SHC2: variants seen among roughly 807,000 people sequenced by gnomAD.
SHC2 encodes the protein SHC-transforming protein 2.
Under a neutral mutation model 60.6 loss-of-function variants are expected in SHC2, and 62 were observed. The observed-to-expected ratio is 1.02, with a 90% CI of 0.83 to 1.26. The LOEUF is 1.26. Ranked by LOEUF, SHC2 falls within the 50% of genes most tolerant of loss-of-function variation. SHC2 has a pLI of 0.00. For missense variants in SHC2, 873 were observed against 822.2 expected (o/e 1.06, Z -0.76); for synonymous variants, 375 against 372.4 (o/e 1.01, Z -0.08).
At chr19:447,235 T>C (rs1975072962) in intron 1 of SHC2, among the ~76,000 whole-genome samples, 1 of 151,908 alleles carries the variant, frequency 6.6e-6, no homozygotes, top group Admixed American at 6.6e-5. Flanking sequence ...GTGATCCCAT[T>C]TCTATGAAGT....
chr19:438,730 A>G lies in SHC2; in HGVS notation c.708T>C (p.Pro236=), dbSNP rs565432699. Residue 236 remains proline (P), a synonymous_variant, in exon 4 of 13, where the codon CCT becomes CCC. Transcript: ENST00000264554. The surrounding 1 kb of genome is among the most constrained non-coding windows in gnomAD (Gnocchi z 5.0). ...AGGGCAGACCCACCTGGCGCGTGGC[A>G]GGCACGGAGAGGCTGAGGCCATCAG... ...ISTDGLSLSV[P]ATRQVIANHH... 4.0e-5 allele frequency: 63 copies of G among 1,561,602 alleles called. No individual in the cohort carries two copies. In the South Asian group the frequency reaches 4.6e-4, roughly 11 times the overall value.
Position 434,836 on chromosome 19 carries a change from C to T in SHC2, c.983G>A (p.Gly328Glu). The T allele has an allele frequency of 2.5e-6, 4 of 1,612,162 alleles. No homozygotes were observed. The highest frequency in any genetic ancestry group is 2.2e-5 in the South Asian group (2 of 91,072). The change falls in exon 8 of 13, where the codon GGG becomes GAG. Residue 328 changes from glycine (G) to glutamate (E), a missense_variant. Coordinates refer to ENST00000264554, the MANE Select transcript of SHC2 (RefSeq NM_012435.3). ...RLAGPEESAW[G>E]DEEDSLEHNY... is the part of the protein sequence containing the mutation. ...GTGCTCCAAAGAGTCCTCCTCGTCCCCCCAGGCCGACTCCTCCGGCCCTGC... is the reference window on the plus strand; with the variant it reads ...GTGCTCCAAAGAGTCCTCCTCGTCCTCCCAGGCCGACTCCTCCGGCCCTGC...
At chr19:436,798 G>C in intron 4 of SHC2, 115 bp from the exon 5 acceptor site, 1 of 1,049,738 alleles carries the variant, frequency 9.5e-7, no homozygotes, top group South Asian at 1.4e-5. Flanking sequence ...TGTGGGGATG[G>C]AGACGTCTCC....
Position 424,356 on chromosome 19 carries a change from G to A in SHC2, c.1309+741C>T, listed in dbSNP as rs1249499174. Among the ~76,000 whole-genome samples, 1 of 152,210 alleles carries A rather than the reference G, an allele frequency of 6.6e-6. No individual in the cohort carries two copies. Among genetic ancestry groups the A allele is most frequent in the South Asian group, 2.1e-4 (1 of 4,834 alleles). On this transcript the variant is annotated intron_variant, in intron 10 of 12. Coordinates refer to ENST00000264554, the MANE Select transcript of SHC2 (RefSeq NM_012435.3). The surrounding 1 kb of genome is among the most constrained non-coding windows in gnomAD (Gnocchi z 4.5). ...CTCATTGGACTGGGCGTTCCTTCAA[G>A]CAGGAAGCTGTGCCTCCCCCATCAG...
rs935154172 is a variant in SHC2 at position 424,784 on chromosome 19, A to T, written c.1309+313T>A. On this transcript the variant is annotated intron_variant, in intron 10 of 12. Coordinates refer to ENST00000264554, the MANE Select transcript of SHC2 (RefSeq NM_012435.3). The surrounding 1 kb of genome is among the most constrained non-coding windows in gnomAD (Gnocchi z 4.5). The stretch of plus-strand genomic sequence containing the variant: ...GGGTTCAGCAGGGAGGCCCCGGGAG[A>T]TGGGGTCCTGTAGGAGGGGCTGGGC... Among the ~76,000 whole-genome samples, 11 of 151,746 alleles carry T rather than the reference A, an allele frequency of 7.2e-5. No individual in the cohort carries two copies. Among genetic ancestry groups the T allele is most frequent in the African/African-American group, 2.7e-4 (11 of 41,272 alleles).
At position 438,115 on chromosome 19, in the gene SHC2, C is replaced by G. The variant is rs569385890; in HGVS notation, c.720+603G>C. 6.6e-6 allele frequency among the ~76,000 whole-genome samples: 1 copy of G among 152,250 alleles called. No homozygotes were observed. Among genetic ancestry groups the G allele is most frequent in the African/African-American group, 2.4e-5 (1 of 41,534 alleles). On this transcript the variant is annotated intron_variant, in intron 4 of 12. Coordinates refer to ENST00000264554, the MANE Select transcript of SHC2 (RefSeq NM_012435.3). The surrounding 1 kb of genome is among the most constrained non-coding windows in gnomAD (Gnocchi z 5.0). ...TCTCCTGCCTCAGCCTCCCAAGTAG[C>G]TGGGATTACAGGCGCCCACCACCAC...
intron 8 of SHC2, among the ~76,000 whole-genome samples, chr19:431,079 C>T (rs913430073): frequency 2.0e-5 from 3 of 150,596 alleles, no homozygotes; most frequent in Non-Finnish European, 3.0e-5. Flanking sequence ...TACCCAAATG[C>T]CGCTTCCTCA....
chr19:455,999 C>T lies in SHC2; in HGVS notation c.468+4530G>A, dbSNP rs779003836. ...GCCGTTGCTGTGCCCCACACAGGTG[C>T]GTGCGTGACGAGTGCCCTCAGAATG... On this transcript the variant is annotated intron_variant, in intron 1 of 12. Coordinates refer to ENST00000264554, the MANE Select transcript of SHC2 (RefSeq NM_012435.3). 9.2e-5 allele frequency among the ~76,000 whole-genome samples: 14 copies of T among 152,298 alleles called. No individual in the cohort carries two copies. In the South Asian group the frequency reaches 2.1e-3, roughly 23 times the overall value.
chr19:427,882 G>C (rs991931564), intron 9 of SHC2, among the ~76,000 whole-genome samples: 6 of 133,494 alleles, frequency 4.5e-5, no homozygotes, highest in African/African-American at 1.7e-4. Context: ...GCACAGAGAA[G>C]GGGGAACTGC....
At chr19:442,333 TGGGTGGATGGATGGA>T (rs977366094) in intron 1 of SHC2, among the ~76,000 whole-genome samples, 23 of 136,006 alleles carry the variant, frequency 1.7e-4, no homozygotes, top group African/African-American at 6.0e-4. Context: ...AATGGATGGG[TGGGTGGATGGATGGA>T]GGGTGGAAGG....
intron 8 of SHC2, among the ~76,000 whole-genome samples, chr19:434,149 CGTGAGTGAGATA>C (rs1974645667): frequency 7.2e-6 from 1 of 138,006 alleles, no homozygotes; most frequent in Admixed American, 7.5e-5. Flanking sequence ...GGCGCTTCAT[CGTGAGTGAGATA>C]GTGAGTGAGA....
At chr19:420,018 A>T (rs1974231642) in intron 11 of SHC2, 1 of 152,264 alleles carries the variant, frequency 6.6e-6, no homozygotes, top group African/African-American at 2.4e-5. Context: ...CCTGTGGCAC[A>T]ATCACGTCCT....
Position 460,756 on chromosome 19 carries a change from C to A in SHC2, c.241G>T (p.Gly81Cys). ...GCGGCGCAGCGGGGCTCGCAGGCGC[C>A]CAGGACGGCGGCCGCCAGCGCCGGG... ...GVPALAAAVL[G>C]ACEPRCAAPC... The change falls in exon 1 of 13, where the codon GGC (glycine) becomes TGC (cysteine). Residue 81 changes from glycine to cysteine, a missense_variant. Gly to Cys is a radical substitution (Grantham distance 159). Coordinates refer to ENST00000264554, the MANE Select transcript of SHC2 (RefSeq NM_012435.3). The A allele has an allele frequency of 1.0e-6, 1 of 979,490 alleles. No homozygotes were observed. The highest frequency in any genetic ancestry group is 1.2e-6 in the Non-Finnish European group (1 of 827,684). 60.7% of individuals were successfully genotyped at this position (979,490 alleles called of 1,614,324 possible).
At chr19:451,022 GATGGCCACGCCGT>G (rs1329699011) in intron 1 of SHC2, among the ~76,000 whole-genome samples, 2 of 145,088 alleles carry the variant, frequency 1.4e-5, no homozygotes, top group Non-Finnish European at 3.0e-5. Flanking sequence ...TCAGCGTGTG[GATGGCCACGCCGT>G]GGCCACATCA....
chr19:443,669 GATGA>G (rs1433949653), intron 1 of SHC2, among the ~76,000 whole-genome samples: 9 of 144,648 alleles, frequency 6.2e-5, no homozygotes, highest in African/African-American at 7.8e-5. Context: ...CAGATGGGTG[GATGA>G]ATGGATGGAT....
At chr19:418,254 C>T (rs1194726583) in intron 12 of SHC2, among the ~76,000 whole-genome samples, 1 of 152,216 alleles carries the variant, frequency 6.6e-6, no homozygotes, top group African/African-American at 2.4e-5. Flanking sequence ...CAGTGCCCAC[C>T]CCTCCTCTGG....
chr19:450,759 C>T (rs1365235870), intron 1 of SHC2, among the ~76,000 whole-genome samples: 1 of 152,034 alleles, frequency 6.6e-6, no homozygotes, highest in Non-Finnish European at 1.5e-5. Context: ...CGTTTCTTTC[C>T]TTGGCCGCAT....
At chr19:437,121 C>G (rs1974742221) in intron 4 of SHC2, among the ~76,000 whole-genome samples, 2 of 152,224 alleles carry the variant, frequency 1.3e-5, no homozygotes, top group Non-Finnish European at 2.9e-5. Flanking sequence ...CCTGTGAGTG[C>G]ATTTGCATGC....
In SHC2 at chr19:441,213, G is replaced by C. The variant is rs539023064; in HGVS notation, c.469-281C>G. ...CTCTATGCTGCTTGTTCATTTAACCGTCTTGCCCTCGTCGGTCTCTTTCTG... is the reference window on the plus strand; with the variant it reads ...CTCTATGCTGCTTGTTCATTTAACCCTCTTGCCCTCGTCGGTCTCTTTCTG... On this transcript the variant is annotated intron_variant, in intron 1 of 12. Coordinates refer to ENST00000264554, the MANE Select transcript of SHC2 (RefSeq NM_012435.3). The surrounding 1 kb of genome is among the most constrained non-coding windows in gnomAD (Gnocchi z 4.9). The C allele has an allele frequency of 1.0e-6, 1 of 967,272 alleles. No homozygotes were observed. Among genetic ancestry groups the C allele is most frequent in the Non-Finnish European group, 1.2e-6 (1 of 814,966 alleles). The allele number at this position is 967,272 out of a possible 1,614,324, so 59.9% of individuals were successfully genotyped here. A position where few individuals can be genotyped will look rare whatever the true frequency, so the allele number is the denominator to read the frequency against.
Sources: allele counts gnomAD v4.1 joint callset (sites outside exome capture counted in the v4.1 genomes callset), GRCh38; gene constraint gnomAD v4.1.1; non-coding constraint Gnocchi (gnomAD v3.1); transcripts MANE v1.5; gene names NCBI Gene and HGNC (gene_info 2026-07-23, HGNC 2026-07-21).